The following LPAR6 variants were observed in gnomAD, a reference collection of about 807,000 sequenced individuals.
The protein encoded by LPAR6 is lysophosphatidic acid receptor 6, also known as G-protein coupled purinergic receptor P2Y5.
LPAR6 carries 17 observed loss-of-function variants against 22.0 expected under a neutral mutation model. The ratio of observed to expected loss-of-function variants is 0.77; its 90% CI spans 0.53 to 1.16. The LOEUF (loss-of-function observed/expected upper bound fraction) is 1.16, where lower values mean the gene tolerates loss of function less well. LPAR6 is among the 50% of genes most tolerant of loss of function. The pLI, the probability that LPAR6 is intolerant of heterozygous loss-of-function variation, is 0.00. For synonymous variants in LPAR6, 136 were observed against 139.8 expected (o/e 0.97, Z 0.19); for missense variants, 384 against 406.9 (o/e 0.94, Z 0.48).
chr13:48,415,223 C>T (rs1303570707), upstream of LPAR6, among the ~76,000 whole-genome samples: 1 of 151,944 alleles, frequency 6.6e-6, no homozygotes, highest in Non-Finnish European at 1.5e-5. Context: ...TGTCATTACT[C>T]ACTTGACTTG....
chr13:48,442,998 G>A (rs1165565535), intron 1 of LPAR6, among the ~76,000 whole-genome samples: 3 of 151,984 alleles, frequency 2.0e-5, no homozygotes, highest in African/African-American at 7.2e-5. Flanking sequence ...TTTTGACCAA[G>A]ATATCAATTA....
At chr13:48,420,411 C>T (rs1272726054) in intron 2 of LPAR6, among the ~76,000 whole-genome samples, 1 of 152,182 alleles carries the variant, frequency 6.6e-6, no homozygotes, top group Non-Finnish European at 1.5e-5. Flanking sequence ...CTATTTATGG[C>T]AGACCCACAG....
At chr13:48,420,243 A>G (rs1235066785) in intron 2 of LPAR6, among the ~76,000 whole-genome samples, 1 of 152,212 alleles carries the variant, frequency 6.6e-6, no homozygotes, top group Non-Finnish European at 1.5e-5. Context: ...TATGCAAATC[A>G]ATAAACGTAA....
chr13:48,428,612 A>G (rs963519221), upstream of LPAR6, among the ~76,000 whole-genome samples: 1 of 152,268 alleles, frequency 6.6e-6, no homozygotes, highest in African/African-American at 2.4e-5. Flanking sequence ...AGACTTTTTA[A>G]AACACTAAAT....
intron 1 of LPAR6, among the ~76,000 whole-genome samples, chr13:48,403,057 G>A (rs560896651): frequency 6.6e-6 from 1 of 152,010 alleles, no homozygotes; most frequent in Non-Finnish European, 1.5e-5. Context: ...ACAATAATTG[G>A]TAAAATTAGT....
At chr13:48,390,901 C>G (rs1948606276) in intron 1 of LPAR6, among the ~76,000 whole-genome samples, 1 of 152,106 alleles carries the variant, frequency 6.6e-6, no homozygotes, top group Non-Finnish European at 1.5e-5. Context: ...GTGTTGCTTT[C>G]TTAAATCTTG....
chr13:48,402,825 G>T (rs1238509559), intron 1 of LPAR6, among the ~76,000 whole-genome samples: 2 of 152,048 alleles, frequency 1.3e-5, no homozygotes, highest in African/African-American at 4.8e-5. Flanking sequence ...ACAACATAAA[G>T]TATAGTAATT....
chr13:48,395,012 G>C (rs1191034673), intron 1 of LPAR6, among the ~76,000 whole-genome samples: 1 of 152,158 alleles, frequency 6.6e-6, no homozygotes, highest in Non-Finnish European at 1.5e-5. Flanking sequence ...GCTGCCATCT[G>C]GTGGGTACCC....
intron 1 of LPAR6, among the ~76,000 whole-genome samples, chr13:48,403,709 T>G (rs889519789): frequency 6.6e-6 from 1 of 152,150 alleles, no homozygotes; most frequent in Non-Finnish European, 1.5e-5. Flanking sequence ...TCACAAAGTT[T>G]CCAGTGTAGG....
chr13:48,422,333 CAG>C (rs1347453387), intron 2 of LPAR6, among the ~76,000 whole-genome samples: 1 of 152,012 alleles, frequency 6.6e-6, no homozygotes, highest in African/African-American at 2.4e-5. Context: ...CACATGGACA[CAG>C]GGAGGGGAAC....
chr13:48,440,261 G>A (rs1949224062), intron 1 of LPAR6, among the ~76,000 whole-genome samples: 1 of 152,092 alleles, frequency 6.6e-6, no homozygotes, highest in African/African-American at 2.4e-5. Flanking sequence ...GAAAACTAAA[G>A]TCAGATGTTC....
chr13:48,420,093 A>C (rs1948982228), intron 2 of LPAR6, among the ~76,000 whole-genome samples: 1 of 152,198 alleles, frequency 6.6e-6, no homozygotes, highest in African/African-American at 2.4e-5. Flanking sequence ...AAAAAAAGAA[A>C]ATTTCGGCCA....
intron 1 of LPAR6, among the ~76,000 whole-genome samples, chr13:48,424,518 A>C (rs1949052326): frequency 6.6e-6 from 1 of 152,174 alleles, no homozygotes. Flanking sequence ...AATCAAGAGG[A>C]GTGAAAATGT....
At chr13:48,392,764 CTCT>C (rs1298396905) in intron 1 of LPAR6, among the ~76,000 whole-genome samples, 93 of 93,258 alleles carry the variant, frequency 1.0e-3, no homozygotes, top group Non-Finnish European at 2.6e-4. Context: ...CTCTCTCTCT[CTCT>C]TTTTTTTAAG....
chr13:48,423,124 G>A lies in LPAR6; in HGVS notation c.-1094-334C>T, dbSNP rs145838790. ...CATCCTGAGTGACAGAGAGAGGCCT[G>A]TTCTCAAATAAATAAGTAAATAAAT... On this transcript the variant is annotated intron_variant, in intron 1 of 4. Transcript: ENST00000345941. Among the ~76,000 whole-genome samples the A allele has an allele frequency of 2.6e-3, 395 of 152,192 alleles. 1 individual carries two copies. The highest frequency in any genetic ancestry group is 9.1e-3 in the African/African-American group (377 of 41,520).
intron 1 of LPAR6, among the ~76,000 whole-genome samples, chr13:48,400,425 A>G (rs894921623): frequency 6.6e-6 from 1 of 152,212 alleles, no homozygotes; most frequent in East Asian, 1.9e-4. Context: ...TTTAGCCTCT[A>G]TGTTGCCTTT....
intron 1 of LPAR6, among the ~76,000 whole-genome samples, chr13:48,443,277 A>G (rs1460723327): frequency 1.3e-5 from 2 of 151,710 alleles, no homozygotes; most frequent in Non-Finnish European, 2.9e-5. Context: ...AAGCTGAAAA[A>G]TAAGAAATTA....
chr13:48,416,865 A>C (rs1473199288), upstream of LPAR6, among the ~76,000 whole-genome samples: 1 of 152,164 alleles, frequency 6.6e-6, no homozygotes. Flanking sequence ...CTGCTTCTCT[A>C]GAGTCCTCCT....
In LPAR6 at chr13:48,411,485, G is replaced by A; in HGVS notation, c.939C>T (p.Asp313=). 1 of 1,612,728 alleles carries A rather than the reference G, an allele frequency of 6.2e-7. No homozygotes were observed. The highest frequency in any genetic ancestry group is 1.1e-5 in the South Asian group (1 of 91,020). Residue 313 remains aspartate, a synonymous_variant, in exon 1 of 1, where the codon GAC becomes GAT. Transcript: ENST00000620633. ...KMKNWSVRRS[D]FRFSEVHGAE... is the part of the protein sequence containing the mutation. ...CACCATGAACTTCAGAGAATCTGAA[G>A]TCACTTCTCCTGACAGACCAGTTTT...
Sources: gnomAD v4.1 joint callset for allele counts (sites outside exome capture counted in the v4.1 genomes callset) on GRCh38, gnomAD v4.1.1 for gene constraint, MANE v1.5 for transcripts, NCBI Gene and HGNC (gene_info 2026-07-23, HGNC 2026-07-21) for gene names.